Variants in HECW1 observed in about 807,000 individuals in gnomAD.
HECW1 encodes the protein HECT, C2 and WW domain containing E3 ubiquitin protein ligase 1.
In HECW1, 61 loss-of-function variants were observed where a neutral mutation model predicts 182.3. The ratio of observed to expected loss-of-function variants is 0.33; its 90% CI spans 0.27 to 0.41. The LOEUF (loss-of-function observed/expected upper bound fraction) is 0.41, where lower values mean the gene tolerates loss of function less well. HECW1 is among the 10% of genes least tolerant of loss of function. The probability of loss-of-function intolerance (pLI) is 1.00; values close to 1 mark genes in which losing one functional copy is unlikely to be tolerated. For synonymous variants in HECW1, 859 were observed against 832.6 expected, an observed-to-expected ratio of 1.03 and a Z score of -0.55; for missense variants, 1,739 against 2,108.9, an observed-to-expected ratio of 0.82 and a Z score of 3.44.
chr7:43,533,468 C>T (rs1259541126), intron 24 of HECW1, among the ~76,000 whole-genome samples: 1 of 152,124 alleles, frequency 6.6e-6, no homozygotes, highest in African/African-American at 2.4e-5. Context: ...GGAAACAGGA[C>T]ATTACAATGG....
intron 2 of HECW1, among the ~76,000 whole-genome samples, chr7:43,150,610 C>T (rs1389714366): frequency 1.3e-5 from 2 of 152,174 alleles, no homozygotes; most frequent in African/African-American, 2.4e-5. Flanking sequence ...AACTCCTGAC[C>T]TCAAGTGATC....
At chr7:43,437,455 T>C (rs752938952) in intron 8 of HECW1, among the ~76,000 whole-genome samples, 4 of 152,212 alleles carry the variant, frequency 2.6e-5, no homozygotes, top group African/African-American at 9.7e-5. Context: ...AAAAATATAA[T>C]TCTAGGTTGA....
chr7:43,549,000 C>T (rs1208277239), intron 26 of HECW1, among the ~76,000 whole-genome samples: 1 of 152,192 alleles, frequency 6.6e-6, no homozygotes, highest in Non-Finnish European at 1.5e-5. Flanking sequence ...AAGCTCCTTC[C>T]AGGTCTCCCC....
intron 21 of HECW1, among the ~76,000 whole-genome samples, chr7:43,502,395 C>T (rs1310715260): frequency 6.6e-6 from 1 of 152,138 alleles, no homozygotes; most frequent in Non-Finnish European, 1.5e-5. Flanking sequence ...AATGGCTAAC[C>T]CGCGTAATCC....
At chr7:43,228,103 A>G (rs769900000) in intron 2 of HECW1, among the ~76,000 whole-genome samples, 26 of 152,364 alleles carry the variant, frequency 1.7e-4, no homozygotes, top group Non-Finnish European at 2.4e-4. Context: ...TTTAACACAT[A>G]AAATTGGAAA....
chr7:43,265,258 G>C (rs1373833231), intron 3 of HECW1, among the ~76,000 whole-genome samples: 2 of 152,016 alleles, frequency 1.3e-5, no homozygotes, highest in East Asian at 1.9e-4. Flanking sequence ...GAGAATTCTG[G>C]GGTTCTGCAC....
intron 2 of HECW1, chr7:43,148,521 C>T (rs1196321705): frequency 6.6e-6 from 1 of 151,576 alleles, no homozygotes; most frequent in African/African-American, 2.4e-5. Context: ...AATATTTGCC[C>T]TGCCCTTTAC....
intron 4 of HECW1, among the ~76,000 whole-genome samples, chr7:43,317,726 G>A (rs1486823914): frequency 6.6e-6 from 1 of 152,032 alleles, no homozygotes; most frequent in Non-Finnish European, 1.5e-5. Flanking sequence ...TGAGGGAAGG[G>A]GATGCTTATC....
intron 8 of HECW1, 53 bp from the exon 9 acceptor site, chr7:43,437,950 G>A: frequency 5.0e-6 from 8 of 1,590,608 alleles, no homozygotes; most frequent in Non-Finnish European, 6.9e-6. Flanking sequence ...ACTGGGAATT[G>A]ACCAGCCCTC....
rs1799883471 is a variant in HECW1 at position 43,250,193 on chromosome 7, T to C, written c.27+6261T>C. 2.6e-5 allele frequency among the ~76,000 whole-genome samples: 4 copies of C among 151,948 alleles called. No homozygotes were observed. In the South Asian group the frequency reaches 8.3e-4, roughly 32 times the overall value. On this transcript the variant is annotated intron_variant, in intron 3 of 29. Coordinates refer to ENST00000395891, the MANE Select transcript of HECW1 (RefSeq NM_015052.5). ...CAAAATAAAACTGGATTTGGTAGCA[T>C]TGTATTTGTCTTAAAATTCTGGATA...
At chr7:43,532,281 C>T (rs954406419) in intron 24 of HECW1, among the ~76,000 whole-genome samples, 2 of 152,090 alleles carry the variant, frequency 1.3e-5, no homozygotes, top group Non-Finnish European at 2.9e-5. Context: ...CCACTACCAC[C>T]CCCAGTATAA....
intron 6 of HECW1, among the ~76,000 whole-genome samples, chr7:43,392,616 A>G (rs1231719608): frequency 6.6e-6 from 1 of 152,196 alleles, no homozygotes; most frequent in Non-Finnish European, 1.5e-5. Flanking sequence ...TGGGAACAGA[A>G]GGGGCCTGTA....
chr7:43,469,871 G>A (rs2077946197), intron 16 of HECW1, among the ~76,000 whole-genome samples: 1 of 152,188 alleles, frequency 6.6e-6, no homozygotes, highest in Non-Finnish European at 1.5e-5. Flanking sequence ...TCTGTGACGT[G>A]TCCTTTCCTC....
intron 13 of HECW1, among the ~76,000 whole-genome samples, chr7:43,456,668 C>T (rs192687926): frequency 6.6e-6 from 1 of 152,132 alleles, no homozygotes; most frequent in Non-Finnish European, 1.5e-5. Flanking sequence ...GATGGGAAAT[C>T]GTCTAAACTT....
chr7:43,269,502 C>T (rs1338172185), intron 3 of HECW1, among the ~76,000 whole-genome samples: 1 of 152,140 alleles, frequency 6.6e-6, no homozygotes, highest in Non-Finnish European at 1.5e-5. Context: ...CAGAAAGACA[C>T]ATGTGAAATT....
At chr7:43,479,848 G>A (rs559028618) in intron 17 of HECW1, 104 bp downstream of exon 17, 35 of 1,384,796 alleles carry the variant, frequency 2.5e-5, no homozygotes, top group African/African-American at 1.6e-4. Context: ...GGTTGCCTGC[G>A]CTGGAAGAGA....
chr7:43,319,160 G>T (rs1809709033), intron 4 of HECW1, among the ~76,000 whole-genome samples: 1 of 151,982 alleles, frequency 6.6e-6, no homozygotes, highest in African/African-American at 2.4e-5. Context: ...GGCCGAGGCG[G>T]GTGGATCATG....
At chr7:43,191,964 C>CTTTT (rs537307469) in intron 2 of HECW1, among the ~76,000 whole-genome samples, 2 of 145,352 alleles carry the variant, frequency 1.4e-5, no homozygotes, top group African/African-American at 2.5e-5. Flanking sequence ...TTGTTTTTTT[C>CTTTT]TTTTTTTTTT....
chr7:43,288,151 G>A (rs1206206370), intron 3 of HECW1, among the ~76,000 whole-genome samples: 1 of 151,988 alleles, frequency 6.6e-6, no homozygotes, highest in East Asian at 1.9e-4. Flanking sequence ...CTTTCTCTAG[G>A]GCTTTTTCAA....
Sources: gnomAD v4.1 joint callset for allele counts (sites outside exome capture counted in the v4.1 genomes callset) on GRCh38, gnomAD v4.1.1 for gene constraint, MANE v1.5 for transcripts, NCBI Gene and HGNC (gene_info 2026-07-23, HGNC 2026-07-21) for gene names.